CHD9: variants seen among roughly 807,000 people sequenced by gnomAD.
CHD9 encodes ATP-dependent chromatin remodeler CHD9.
Under a neutral mutation model 316.1 loss-of-function variants are expected in CHD9, and 77 were observed. That is an observed-to-expected ratio of 0.24 (90% CI 0.20 to 0.29). CHD9 has a LOEUF of 0.29. CHD9 is among the 10% of genes least tolerant of loss of function. CHD9 has a pLI of 1.00. For missense variants in CHD9, 2,763 were observed against 3,438.1 expected, an observed-to-expected ratio of 0.80 and a Z score of 4.91; for synonymous variants, 1,129 against 1,158.3, an observed-to-expected ratio of 0.97 and a Z score of 0.51.
chr16:53,196,767 C>T (rs1162590416), intron 2 of CHD9, among the ~76,000 whole-genome samples: 7 of 152,276 alleles, frequency 4.6e-5, no homozygotes, highest in Admixed American at 3.3e-4. Context: ...TCTAGGATTG[C>T]ACTTTTCTGT....
chr16:53,203,139 T>C (rs2152853734), intron 2 of CHD9, among the ~76,000 whole-genome samples: 1 of 152,336 alleles, frequency 6.6e-6, no homozygotes, highest in East Asian at 1.9e-4. Flanking sequence ...TAGGTTGATT[T>C]AATATGAATA....
chr16:53,246,152 A>G (rs958916535), intron 15 of CHD9, among the ~76,000 whole-genome samples: 7 of 152,080 alleles, frequency 4.6e-5, no homozygotes, highest in African/African-American at 1.7e-4. Flanking sequence ...CTGCATTGCC[A>G]TTTTTTTCCT....
chr16:53,216,181 A>G (rs2046747328), intron 3 of CHD9, among the ~76,000 whole-genome samples: 1 of 152,178 alleles, frequency 6.6e-6, no homozygotes, highest in African/African-American at 2.4e-5. Flanking sequence ...ATGAAATTTT[A>G]TTTTAGAATT....
chr16:53,111,203 G>C (rs1039605814), intron 1 of CHD9, among the ~76,000 whole-genome samples: 5 of 152,104 alleles, frequency 3.3e-5, no homozygotes, highest in African/African-American at 9.7e-5. Context: ...TGCAGAATGA[G>C]GGGGCTGGAC....
intron 2 of CHD9, among the ~76,000 whole-genome samples, chr16:53,165,838 A>G (rs540529780): frequency 1.9e-4 from 29 of 152,246 alleles, no homozygotes; most frequent in African/African-American, 6.0e-4. Context: ...CAATTAAAAC[A>G]CTTGTCACTC....
At chr16:53,318,008 G>T (rs1229293428) in intron 36 of CHD9, among the ~76,000 whole-genome samples, 1 of 151,928 alleles carries the variant, frequency 6.6e-6, no homozygotes, top group Admixed American at 6.6e-5. Flanking sequence ...AGTGAGCTGT[G>T]ACCACACCAC....
chr16:53,099,250 G>T (rs1162704693), intron 1 of CHD9: 1 of 152,266 alleles, frequency 6.6e-6, no homozygotes, highest in African/African-American at 2.4e-5. Context: ...CTGCCGTGTG[G>T]ACCCGTAAAA....
At position 53,277,839 on chromosome 16, in the gene CHD9, A is replaced by C. The variant is rs150349511; in HGVS notation, c.4967+3537A>C. Among the ~76,000 whole-genome samples, 3 of 152,258 alleles carry C rather than the reference A, an allele frequency of 2.0e-5. No individual in the cohort carries two copies. In the East Asian group the frequency reaches 5.8e-4, roughly 29 times the overall value. On this transcript the variant is annotated intron_variant, in intron 24 of 38. Transcript: ENST00000447540. ...ATTGTTGCTGTTTGCTGATGATATG[A>C]TTGTATACCTAGAAAACCCTAAAGA...
intron 1 of CHD9, among the ~76,000 whole-genome samples, chr16:53,090,931 T>TGCGGGGATAAGTCTC (rs6145838): frequency 5.3e-5 from 8 of 151,464 alleles, no homozygotes; most frequent in Non-Finnish European, 4.4e-5. Flanking sequence ...CTGCCCACCA[T>TGCGGGGATAAGTCTC]GCTCTCACAC....
intron 2 of CHD9, among the ~76,000 whole-genome samples, chr16:53,163,232 C>T (rs773063442): frequency 1.3e-5 from 2 of 151,728 alleles, no homozygotes; most frequent in African/African-American, 2.4e-5. Context: ...TTTGTTGAGA[C>T]GGAGTTTCAC....
chr16:53,106,604 G>GA (rs544960390), intron 1 of CHD9, among the ~76,000 whole-genome samples: 147 of 151,966 alleles, frequency 9.7e-4, no homozygotes, highest in African/African-American at 3.5e-3. Flanking sequence ...GAGAGGAAAA[G>GA]AAAAAAGGTT....
At chr16:53,119,408 A>G (rs2038570123) in intron 1 of CHD9, among the ~76,000 whole-genome samples, 1 of 152,106 alleles carries the variant, frequency 6.6e-6, no homozygotes, top group African/African-American at 2.4e-5. Context: ...GATAATTGTT[A>G]TTTATTTTAT....
At chr16:53,130,537 C>A (rs2039184988) in intron 1 of CHD9, among the ~76,000 whole-genome samples, 1 of 149,450 alleles carries the variant, frequency 6.7e-6, no homozygotes, top group South Asian at 2.1e-4. Context: ...GACGTGGCGG[C>A]CGCGGCGGGG....
chr16:53,170,578 CGTGTGTGTGTGT>C (rs10593955), intron 2 of CHD9, among the ~76,000 whole-genome samples: 31 of 140,230 alleles, frequency 2.2e-4, no homozygotes, highest in African/African-American at 4.7e-4. Flanking sequence ...TTTGTAATTT[CGTGTGTGTGTGT>C]GTGTGTGTGT....
At chr16:53,292,402 A>G (rs1302568118) in intron 28 of CHD9, among the ~76,000 whole-genome samples, 2 of 152,248 alleles carry the variant, frequency 1.3e-5, no homozygotes, top group Non-Finnish European at 2.9e-5. Context: ...TGTCATCTTG[A>G]ACTTCGAAAA....
intron 1 of CHD9, among the ~76,000 whole-genome samples, chr16:53,133,698 GA>G (rs374773144): frequency 6.6e-6 from 1 of 152,120 alleles, no homozygotes; most frequent in African/African-American, 2.4e-5. Context: ...AATACAGATA[GA>G]AAACGGTGTC....
At chr16:53,158,328 C>T (rs1470601082) in intron 2 of CHD9, among the ~76,000 whole-genome samples, 7 of 152,078 alleles carry the variant, frequency 4.6e-5, no homozygotes, top group Non-Finnish European at 7.4e-5. Context: ...CACGATAGAC[C>T]ATAGGCACTA....
At chr16:53,119,184 A>G (rs2038552950) in intron 1 of CHD9, among the ~76,000 whole-genome samples, 1 of 152,210 alleles carries the variant, frequency 6.6e-6, no homozygotes, top group Non-Finnish European at 1.5e-5. Flanking sequence ...TACCAGGATT[A>G]TGGTAATGGT....
At chr16:53,163,228 G>T (rs1329702626) in intron 2 of CHD9, among the ~76,000 whole-genome samples, 1 of 151,654 alleles carries the variant, frequency 6.6e-6, no homozygotes, top group African/African-American at 2.4e-5. Flanking sequence ...ATTTTTTGTT[G>T]AGACGGAGTT....
Sources: allele counts gnomAD v4.1 joint callset (sites outside exome capture counted in the v4.1 genomes callset), GRCh38; gene constraint gnomAD v4.1.1; transcripts MANE v1.5; gene names NCBI Gene and HGNC (gene_info 2026-07-23, HGNC 2026-07-21).